Variants in FMNL2 observed in about 807,000 individuals in gnomAD.
The protein encoded by FMNL2 is formin-like protein 2.
Under a neutral mutation model 130.2 loss-of-function variants are expected in FMNL2, and 51 were observed. That is an observed-to-expected ratio of 0.39 (90% CI 0.31 to 0.49). The LOEUF (loss-of-function observed/expected upper bound fraction) is 0.49. FMNL2 is among the 20% of genes least tolerant of loss of function. The probability of loss-of-function intolerance (pLI) is 0.85; values close to 1 mark genes in which losing one functional copy is unlikely to be tolerated. For synonymous variants in FMNL2, 465 were observed against 467.1 expected (o/e 1.00, Z 0.06); for missense variants, 977 against 1,316.2 (o/e 0.74, Z 3.99).
intron 5 of FMNL2, 64 bp from the exon 6 acceptor site, chr2:152,560,819 A>G (rs1266347725): frequency 1.3e-6 from 2 of 1,487,488 alleles, no homozygotes; most frequent in Middle Eastern, 1.7e-4. Context: ...CAAGTTATAC[A>G]TGTTCGTTTA....
chr2:152,427,105 C>T (rs1470573666), intron 1 of FMNL2, among the ~76,000 whole-genome samples: 9 of 152,120 alleles, frequency 5.9e-5, no homozygotes, highest in Admixed American at 2.6e-4. Context: ...GATGTTGGAA[C>T]GGTTAGGAGC....
At chr2:152,598,397 A>G (rs1408793638) in intron 9 of FMNL2, among the ~76,000 whole-genome samples, 1 of 152,178 alleles carries the variant, frequency 6.6e-6, no homozygotes, top group Non-Finnish European at 1.5e-5. Context: ...CTATTTAAAT[A>G]CCATTCTCAG....
At chr2:152,514,358 A>G (rs773214672) in intron 1 of FMNL2, among the ~76,000 whole-genome samples, 40 of 152,156 alleles carry the variant, frequency 2.6e-4, no homozygotes, top group South Asian at 4.1e-4. Flanking sequence ...ACTTGGTCTC[A>G]CGCTACCCAC....
chr2:152,629,757 C>A, intron 19 of FMNL2, 33 bp downstream of exon 19: 1 of 1,601,852 alleles, frequency 6.2e-7, no homozygotes, highest in South Asian at 1.1e-5. Flanking sequence ...GTATGAAGGA[C>A]TACTTCAGCT....
intron 1 of FMNL2, among the ~76,000 whole-genome samples, chr2:152,437,890 G>A (rs1244364248): frequency 6.6e-6 from 1 of 152,186 alleles, no homozygotes; most frequent in Non-Finnish European, 1.5e-5. Context: ...ACTCAGTACT[G>A]TATCACTCAC....
chr2:152,518,600 T>C (rs1692904896), intron 1 of FMNL2, among the ~76,000 whole-genome samples: 1 of 152,214 alleles, frequency 6.6e-6, no homozygotes, highest in African/African-American at 2.4e-5. Context: ...TTGCCTTTTG[T>C]TACGTGCCCC....
At chr2:152,532,338 G>A (rs575613391) in intron 2 of FMNL2, among the ~76,000 whole-genome samples, 2 of 152,202 alleles carry the variant, frequency 1.3e-5, no homozygotes, top group South Asian at 4.1e-4. Context: ...CACCAGTTGT[G>A]TTTTCCAAAG....
At chr2:152,431,951 T>C (rs1687512700) in intron 1 of FMNL2, among the ~76,000 whole-genome samples, 1 of 106,906 alleles carries the variant, frequency 9.4e-6, no homozygotes, top group Admixed American at 1.1e-4. Flanking sequence ...GGCAACAGAG[T>C]GAAACCCTAT....
chr2:152,623,930 T>C (rs1467947867), intron 15 of FMNL2, among the ~76,000 whole-genome samples: 1 of 151,612 alleles, frequency 6.6e-6, no homozygotes, highest in Non-Finnish European at 1.5e-5. Flanking sequence ...AATGAGTGTG[T>C]AGATACCTCC....
chr2:152,443,842 C>T (rs1463108019), intron 1 of FMNL2, among the ~76,000 whole-genome samples: 1 of 151,624 alleles, frequency 6.6e-6, no homozygotes, highest in African/African-American at 2.4e-5. Flanking sequence ...GAGACTCCAT[C>T]CAAAAAGAAA....
rs1228483669 is a variant in FMNL2, at chr2:152,426,651, A to G, written c.117+90931A>G. 2.6e-5 allele frequency among the ~76,000 whole-genome samples: 4 copies of G among 151,926 alleles called. No homozygotes were observed. In the South Asian group the frequency reaches 6.2e-4, roughly 24 times the overall value. On this transcript the variant is annotated intron_variant, in intron 1 of 25. Coordinates refer to ENST00000288670, the MANE Select transcript of FMNL2 (RefSeq NM_052905.4). ...TACTGATGTTTTTTCAAAGCTCCCCAGATGATTCTGATGGGCAGCTGATAC... is the reference window on the plus strand; with the variant it reads ...TACTGATGTTTTTTCAAAGCTCCCCGGATGATTCTGATGGGCAGCTGATAC...
intron 1 of FMNL2, among the ~76,000 whole-genome samples, chr2:152,493,666 C>T (rs1207661139): frequency 6.6e-6 from 1 of 152,206 alleles, no homozygotes; most frequent in East Asian, 1.9e-4. Flanking sequence ...CCTGGCACCT[C>T]TGTTGCCACG....
At chr2:152,569,624 T>A (rs1381184397) in intron 6 of FMNL2, among the ~76,000 whole-genome samples, 2 of 144,016 alleles carry the variant, frequency 1.4e-5, no homozygotes, top group African/African-American at 5.3e-5. Flanking sequence ...AAGGCTGCAA[T>A]GTGCGGAGAT....
chr2:152,579,140 A>T (rs1696636490), intron 8 of FMNL2, among the ~76,000 whole-genome samples, 176 bp downstream of exon 8: 1 of 152,214 alleles, frequency 6.6e-6, no homozygotes, highest in Non-Finnish European at 1.5e-5. Flanking sequence ...ACATTCTTAG[A>T]TGGGCCAGAG....
intron 6 of FMNL2, among the ~76,000 whole-genome samples, chr2:152,564,776 GTTTTTTT>G (rs56378937): frequency 2.5e-4 from 20 of 79,346 alleles, no homozygotes; most frequent in South Asian, 5.2e-4. Flanking sequence ...TACAAGGTTG[GTTTTTTT>G]TTTTTTTTTT....
chr2:152,574,434 C>CAAAAAAA (rs57776446), intron 6 of FMNL2, among the ~76,000 whole-genome samples: 12 of 106,926 alleles, frequency 1.1e-4, no homozygotes, highest in African/African-American at 2.6e-4. Context: ...GACTCTGTCT[C>CAAAAAAA]AAAAAAAAAA....
At chr2:152,471,285 C>A (rs576345157) in intron 1 of FMNL2, among the ~76,000 whole-genome samples, 1 of 152,276 alleles carries the variant, frequency 6.6e-6, no homozygotes, top group East Asian at 1.9e-4. Flanking sequence ...TAATTTGGGA[C>A]CACGTTTTGT....
chr2:152,521,855 T>C (rs1693109132), intron 1 of FMNL2, 88 bp from the exon 2 acceptor site: 2 of 939,792 alleles, frequency 2.1e-6, no homozygotes, highest in African/African-American at 3.3e-5. Flanking sequence ...AAAACCATAG[T>C]GGTATTATTT....
intron 6 of FMNL2, among the ~76,000 whole-genome samples, chr2:152,573,805 C>A (rs1579993672): frequency 6.6e-6 from 1 of 152,058 alleles, no homozygotes; most frequent in East Asian, 1.9e-4. Flanking sequence ...AACTAATAAA[C>A]AAGTTTCTCA....
Sources: gnomAD v4.1 joint callset for allele counts (sites outside exome capture counted in the v4.1 genomes callset) on GRCh38, gnomAD v4.1.1 for gene constraint, MANE v1.5 for transcripts, NCBI Gene and HGNC (gene_info 2026-07-23, HGNC 2026-07-21) for gene names.